Variants in GUCY2C observed in about 807,000 individuals in gnomAD.
The protein encoded by GUCY2C is guanylate cyclase 2C.
A neutral mutation model predicts 131.1 loss-of-function variants in GUCY2C; 118 were observed. That is an observed-to-expected ratio of 0.90 (90% CI 0.78 to 1.05). The LOEUF (loss-of-function observed/expected upper bound fraction) is 1.05. GUCY2C is among the 50% of genes least tolerant of loss of function. The pLI is 0.00. For synonymous variants in GUCY2C, 452 were observed against 457.8 expected (o/e 0.99, Z 0.16); for missense variants, 1,161 against 1,304.4 (o/e 0.89, Z 1.69).
chr12:14,632,486 A>G (rs1947166532), intron 19 of GUCY2C, among the ~76,000 whole-genome samples: 1 of 152,242 alleles, frequency 6.6e-6, no homozygotes, highest in Non-Finnish European at 1.5e-5. Flanking sequence ...TTTTTGAGGG[A>G]CAATTACAAA....
chr12:14,692,017 T>C (rs1285444312), intron 1 of GUCY2C, among the ~76,000 whole-genome samples: 6 of 152,138 alleles, frequency 3.9e-5, no homozygotes, highest in African/African-American at 9.7e-5. Flanking sequence ...AGCTTGCAAG[T>C]AGTAGCGCAG....
intron 19 of GUCY2C, among the ~76,000 whole-genome samples, chr12:14,633,252 C>T (rs1216192416): frequency 6.6e-6 from 1 of 152,212 alleles, no homozygotes; most frequent in East Asian, 1.9e-4. Context: ...AACAAAACGT[C>T]ACTACTGCCT....
At chr12:14,647,415 T>C (rs781014268) in intron 15 of GUCY2C, among the ~76,000 whole-genome samples, 22 of 152,316 alleles carry the variant, frequency 1.4e-4, no homozygotes, top group Non-Finnish European at 2.9e-4. Context: ...CAGAAGAATT[T>C]ATACATTTTC....
At chr12:14,623,730 C>A (rs1946945294) in intron 21 of GUCY2C, among the ~76,000 whole-genome samples, 1 of 152,018 alleles carries the variant, frequency 6.6e-6, no homozygotes, top group Non-Finnish European at 1.5e-5. Context: ...CATTGCTGTT[C>A]CTGTGTTAGT....
At chr12:14,675,009 A>C (rs1044082153) in intron 7 of GUCY2C, among the ~76,000 whole-genome samples, 2 of 151,992 alleles carry the variant, frequency 1.3e-5, no homozygotes, top group Admixed American at 6.6e-5. Flanking sequence ...CAGGAGTTTG[A>C]GACCAGCCTG....
At position 14,669,725 on chromosome 12, in the gene GUCY2C, G is replaced by T; in HGVS notation, c.1279C>A (p.Arg427=). The change falls in exon 10 of 27, where the codon CGG becomes AGG. Residue 427 remains arginine, a synonymous_variant. Transcript: ENST00000261170. ...AAATTCATTAGGGATATCTTACCCC[G>T]GCCTGTAATATCATTAGGAAGTTTA... is the stretch of plus-strand genomic sequence containing the variant. ...NSKLPNDITG[R]GPQILMIAVF... The T allele has an allele frequency of 1.3e-6, 2 of 1,488,592 alleles. No homozygotes were observed. The highest frequency in any genetic ancestry group is 1.2e-5 in the South Asian group (1 of 86,136). 92.2% of individuals were successfully genotyped at this position (1,488,592 alleles called of 1,614,324 possible).
chr12:14,652,093 AAC>A (rs1240993085), intron 13 of GUCY2C, 63 bp from the exon 14 acceptor site: 39 of 871,644 alleles, frequency 4.5e-5, no homozygotes, highest in Non-Finnish European at 6.8e-5. Flanking sequence ...TGCATATTAT[AAC>A]AGTTTGTTTG....
At chr12:14,681,320 AG>A (rs1948343668) in intron 5 of GUCY2C, 35 bp downstream of exon 5, 1 of 1,598,450 alleles carries the variant, frequency 6.3e-7, no homozygotes, top group Non-Finnish European at 8.6e-7. Flanking sequence ...ATAAAGAAGA[AG>A]TTAGCAAAAA....
At chr12:14,669,317 A>G (rs1181887479) in intron 10 of GUCY2C, among the ~76,000 whole-genome samples, 2 of 149,458 alleles carry the variant, frequency 1.3e-5, no homozygotes, top group African/African-American at 2.5e-5. Flanking sequence ...TGGTCCTCCT[A>G]CCTCAGCCTC....
chr12:14,652,037 A>C lies in GUCY2C; in HGVS notation c.1534-7T>G. 1.9e-6 allele frequency: 3 copies of C among 1,556,244 alleles called. No homozygotes were observed. The highest frequency in any genetic ancestry group is 2.7e-6 in the Non-Finnish European group (3 of 1,128,162). On this transcript the variant is annotated splice_polypyrimidine_tract_variant and splice_region_variant and intron_variant, in intron 13 of 26. Transcript: ENST00000261170. The stretch of plus-strand genomic sequence containing the variant: ...GATCTTTGAGAATCACTCGCTGCAA[A>C]AATCAATGAAATTTAGGAGACAGTG...
At chr12:14,614,078 G>A (rs1461716026) in intron 26 of GUCY2C, among the ~76,000 whole-genome samples, 1 of 152,158 alleles carries the variant, frequency 6.6e-6, no homozygotes, top group Non-Finnish European at 1.5e-5. Flanking sequence ...GAAGACAGGA[G>A]TGGAATGCAG....
At chr12:14,636,860 C>T (rs1036522907) in intron 19 of GUCY2C, among the ~76,000 whole-genome samples, 3 of 151,796 alleles carry the variant, frequency 2.0e-5, no homozygotes, top group South Asian at 2.1e-4. Context: ...AGGCCAAGGA[C>T]GGTGGATTGC....
intron 8 of GUCY2C, among the ~76,000 whole-genome samples, chr12:14,673,255 C>T (rs888711838): frequency 6.6e-5 from 10 of 152,146 alleles, no homozygotes; most frequent in Admixed American, 6.5e-4. Context: ...ATTAGTGACA[C>T]ATTTTTGCTA....
At chr12:14,614,974 A>T (rs779287047) in intron 25 of GUCY2C, 31 bp from the exon 26 acceptor site, 27 of 1,204,452 alleles carry the variant, frequency 2.2e-5, no homozygotes, top group Non-Finnish European at 3.2e-5. Flanking sequence ...CGTACCACGG[A>T]GTCCAAGGAG....
chr12:14,673,569 T>C (rs1321940324), intron 8 of GUCY2C, among the ~76,000 whole-genome samples: 1 of 152,238 alleles, frequency 6.6e-6, no homozygotes, highest in Non-Finnish European at 1.5e-5. Flanking sequence ...ATCATATTAT[T>C]CTTCCTGAAA....
chr12:14,615,525 T>C (rs1044756013), intron 25 of GUCY2C, among the ~76,000 whole-genome samples: 3 of 151,656 alleles, frequency 2.0e-5, no homozygotes, highest in African/African-American at 4.8e-5. Context: ...GAAAAAGAGA[T>C]ACAAAATACA....
chr12:14,612,982 G>C lies in GUCY2C; in HGVS notation c.*135C>G. Reference sequence around the variant, plus strand: ...TTCATGCAAGAAAGTCCATGTTCCAGACAGGGCAGCCAAGCCTAAGTACAT... The same window carrying C: ...TTCATGCAAGAAAGTCCATGTTCCACACAGGGCAGCCAAGCCTAAGTACAT... On this transcript the variant is annotated 3_prime_UTR_variant, in exon 27 of 27. Transcript: ENST00000261170. The C allele has an allele frequency of 1.4e-6, 1 of 695,188 alleles. No individual in the cohort carries two copies. Among genetic ancestry groups the C allele is most frequent in the Non-Finnish European group, 2.5e-6 (1 of 396,568 alleles). 43.1% of individuals were successfully genotyped at this position (695,188 alleles called of 1,614,324 possible).
At chr12:14,682,293 G>T (rs1186979148) in intron 4 of GUCY2C, among the ~76,000 whole-genome samples, 4 of 152,276 alleles carry the variant, frequency 2.6e-5, no homozygotes, top group East Asian at 1.9e-4. Flanking sequence ...AACCATGGGG[G>T]TGGTTTCCCC....
chr12:14,673,449 G>A (rs1407774081), intron 8 of GUCY2C, among the ~76,000 whole-genome samples: 1 of 151,678 alleles, frequency 6.6e-6, no homozygotes, highest in Admixed American at 6.6e-5. Context: ...AAACTATTTA[G>A]GTAAAAAAAA....
Sources: gnomAD v4.1 joint callset for allele counts (sites outside exome capture counted in the v4.1 genomes callset) on GRCh38, gnomAD v4.1.1 for gene constraint, MANE v1.5 for transcripts, NCBI Gene and HGNC (gene_info 2026-07-23, HGNC 2026-07-21) for gene names.